The following CLEC16A variants were observed in gnomAD, a reference collection of about 807,000 sequenced individuals.
CLEC16A encodes the protein protein CLEC16A.
CLEC16A carries 51 observed loss-of-function variants against 109.5 expected under a neutral mutation model. That is an observed-to-expected ratio of 0.47 (90% CI 0.37 to 0.59). CLEC16A has a LOEUF of 0.59. Among genes scored for constraint, CLEC16A ranks in the 20% least tolerant of loss-of-function variants. CLEC16A has a pLI of 0.00. For missense variants in CLEC16A, 1,339 were observed against 1,394.0 expected (o/e 0.96, Z 0.63); for synonymous variants, 673 against 564.2 (o/e 1.19, Z -2.73).
chr16:11,178,616 C>G lies in CLEC16A; in HGVS notation c.3088C>G (p.Pro1030Ala). ...CACCGGCATGCCCCCGCTGTCCACG[C>G]CGGCTGCCGCCTGCACAGAGCCCGT... The part of the protein sequence containing the change: ...SLTGMPPLST[P>A]AAACTEPVGE... The change falls in exon 24 of 24, where the codon CCG becomes GCG. Residue 1030 changes from proline (P) to alanine (A), a missense_variant. Around this residue, in one of 3 missense-constraint regions of CLEC16A, gnomAD observed 1,061 missense variants for 1,006.8 expected, o/e 1.05. Transcript: ENST00000409790. The surrounding 1 kb of genome is among the most constrained non-coding windows in gnomAD (Gnocchi z 6.5). 6.2e-7 allele frequency: 1 copy of G among 1,601,048 alleles called. No individual in the cohort carries two copies. Among genetic ancestry groups the G allele is most frequent in the Non-Finnish European group, 8.5e-7 (1 of 1,177,148 alleles).
chr16:11,119,966 G>GTAGTT (rs2052279902), intron 19 of CLEC16A, among the ~76,000 whole-genome samples: 1 of 150,764 alleles, frequency 6.6e-6, no homozygotes, highest in Admixed American at 6.6e-5. Context: ...TTTGTGTTGT[G>GTAGTT]TTGTTTTGTT....
At chr16:11,103,116 G>T (rs933152649) in intron 19 of CLEC16A, among the ~76,000 whole-genome samples, 1 of 152,232 alleles carries the variant, frequency 6.6e-6, no homozygotes, top group Non-Finnish European at 1.5e-5. Flanking sequence ...GAGGTGAAGA[G>T]CCTCAAACCC....
At chr16:11,137,763 C>A (rs931371023) in intron 22 of CLEC16A, among the ~76,000 whole-genome samples, 2 of 151,644 alleles carry the variant, frequency 1.3e-5, no homozygotes, top group African/African-American at 4.9e-5. Flanking sequence ...GAACCAAGGT[C>A]GCACCACTGC....
intron 19 of CLEC16A, among the ~76,000 whole-genome samples, chr16:11,091,505 C>T (rs2050302547): frequency 6.6e-6 from 1 of 152,190 alleles, no homozygotes; most frequent in Non-Finnish European, 1.5e-5. Flanking sequence ...GCCTCCCCCA[C>T]CTCTGCAGGG....
At chr16:10,979,117 A>G (rs1048850737) in intron 8 of CLEC16A, among the ~76,000 whole-genome samples, 2 of 152,178 alleles carry the variant, frequency 1.3e-5, no homozygotes, top group African/African-American at 4.8e-5. Flanking sequence ...GGTTTCTCAG[A>G]TGGAAAAATA....
chr16:10,953,869 C>G (rs182298505), intron 1 of CLEC16A, among the ~76,000 whole-genome samples: 1 of 151,712 alleles, frequency 6.6e-6, no homozygotes, highest in Non-Finnish European at 1.5e-5. Context: ...CCCAGCTATT[C>G]GGAAGGCTGA....
intron 23 of CLEC16A, among the ~76,000 whole-genome samples, chr16:11,168,640 C>G (rs1225908694): frequency 1.3e-5 from 2 of 152,242 alleles, no homozygotes; most frequent in Non-Finnish European, 2.9e-5. Context: ...AGCCCACAAG[C>G]TCCTCCCTGT....
chr16:11,163,799 G>A (rs1003906559), intron 22 of CLEC16A, among the ~76,000 whole-genome samples: 3 of 152,204 alleles, frequency 2.0e-5, no homozygotes, highest in African/African-American at 7.2e-5. Context: ...CATACAAGGT[G>A]TAATCCCAAC....
At chr16:10,957,552 G>A (rs80252423) in intron 1 of CLEC16A, among the ~76,000 whole-genome samples, 107 of 152,336 alleles carry the variant, frequency 7.0e-4, no homozygotes, top group Non-Finnish European at 1.3e-3. Flanking sequence ...TCAAGGGTTT[G>A]ACGATTTTCT....
At chr16:11,129,527 T>A (rs574080852) in intron 22 of CLEC16A, among the ~76,000 whole-genome samples, 4 of 152,266 alleles carry the variant, frequency 2.6e-5, no homozygotes, top group Admixed American at 1.3e-4. Context: ...AAGAAAAATG[T>A]CTTACTATTT....
rs535624053 is a variant in CLEC16A, at chr16:10,961,850, C to T, written c.210-605C>T. On this transcript the variant is annotated intron_variant, in intron 2 of 23. Transcript: ENST00000409790. The surrounding 1 kb of genome is among the most constrained non-coding windows in gnomAD (Gnocchi z 4.3). ...AAGTTTTGAGAAATGCTGGCCAGGT[C>T]TTCTGTGGAATGTCCCCCAAAATGG... Among the ~76,000 whole-genome samples, 3 of 152,072 alleles carry T rather than the reference C, an allele frequency of 2.0e-5. No homozygotes were observed. The highest frequency in any genetic ancestry group is 4.4e-5 in the Non-Finnish European group (3 of 68,036).
intron 23 of CLEC16A, among the ~76,000 whole-genome samples, chr16:11,167,847 G>A (rs775403008): frequency 1.3e-5 from 2 of 152,202 alleles, no homozygotes; most frequent in African/African-American, 2.4e-5. Context: ...TGCCAGGCTT[G>A]TAGCTGGGAA....
chr16:11,088,210 C>T lies in CLEC16A; in HGVS notation c.2116+27188C>T, dbSNP rs548316600. Among the ~76,000 whole-genome samples, 3 of 152,348 alleles carry T rather than the reference C, an allele frequency of 2.0e-5. No individual in the cohort carries two copies. In the South Asian group the frequency reaches 6.2e-4, roughly 32 times the overall value. ...TCAGATGAAAGAAATCCTCTGGAAT[C>T]CTCCTGCACTTCTGCAGCAGCTAAC... On this transcript the variant is annotated intron_variant, in intron 19 of 23. Coordinates refer to ENST00000409790, the MANE Select transcript of CLEC16A (RefSeq NM_015226.3).
intron 13 of CLEC16A, among the ~76,000 whole-genome samples, chr16:11,030,634 CT>C (rs2046686559): frequency 6.6e-6 from 1 of 152,040 alleles, no homozygotes; most frequent in African/African-American, 2.4e-5. Flanking sequence ...TGTTTCGAGA[CT>C]TTTGGGTTTT....
chr16:10,975,171 A>C (rs569224899), intron 7 of CLEC16A, among the ~76,000 whole-genome samples: 48 of 152,110 alleles, frequency 3.2e-4, no homozygotes, highest in Non-Finnish European at 5.4e-4. Flanking sequence ...TCTACTAAAA[A>C]TACAAAAATT....
chr16:10,991,965 G>A (rs974238562), intron 10 of CLEC16A, among the ~76,000 whole-genome samples: 2 of 152,234 alleles, frequency 1.3e-5, no homozygotes, highest in South Asian at 2.1e-4. Flanking sequence ...ATCCCTGGAG[G>A]TGATTAATGA....
intron 9 of CLEC16A, 126 bp downstream of exon 9, chr16:10,979,508 A>C: frequency 1.3e-6 from 1 of 773,874 alleles, no homozygotes; most frequent in Non-Finnish European, 2.1e-6. Context: ...GAGTAAAATA[A>C]CAGCAAAACA....
chr16:11,064,528 G>T (rs760121640), intron 19 of CLEC16A, among the ~76,000 whole-genome samples: 1 of 152,214 alleles, frequency 6.6e-6, no homozygotes, highest in Non-Finnish European at 1.5e-5. Context: ...TGTAATCTCA[G>T]CACTTTGGGA....
chr16:11,163,447 C>T (rs979273612), intron 22 of CLEC16A, among the ~76,000 whole-genome samples: 1 of 151,950 alleles, frequency 6.6e-6, no homozygotes, highest in Non-Finnish European at 1.5e-5. Context: ...CTCTGCTCAG[C>T]TAGACCCTGC....
Sources: gnomAD v4.1 joint callset for allele counts (sites outside exome capture counted in the v4.1 genomes callset) on GRCh38, gnomAD v4.1.1 for gene constraint, gnomAD v4.1.1 regional missense constraint, Gnocchi (gnomAD v3.1) non-coding constraint, MANE v1.5 for transcripts, NCBI Gene and HGNC (gene_info 2026-07-23, HGNC 2026-07-21) for gene names.